The following P2RY14 variants were observed in gnomAD, a reference collection of about 807,000 sequenced individuals.
P2RY14 encodes the protein purinergic receptor P2Y14, also known as P2Y purinoceptor 14.
P2RY14 carries 2 observed loss-of-function variants against 0.9 expected under a neutral mutation model. The observed-to-expected ratio is 2.16, with a 90% CI of 0.88 to 6.79. The LOEUF (loss-of-function observed/expected upper bound fraction) is 6.79. P2RY14 is among the 30% of genes most tolerant of loss of function. P2RY14 has a pLI of 0.05. For synonymous variants in P2RY14, 158 were observed against 147.2 expected (o/e 1.07, Z -0.53); for missense variants, 378 against 400.1 (o/e 0.94, Z 0.47).
chr3:151,254,514 A>G (rs73023014), intron 1 of P2RY14, among the ~76,000 whole-genome samples: 3,940 of 151,940 alleles, frequency 0.026, 157 homozygotes, highest in African/African-American at 0.091. Context: ...ATATGTAAAC[A>G]TGCTATATAA....
At chr3:151,225,863 C>T (rs912652860) in intron 1 of P2RY14, among the ~76,000 whole-genome samples, 2 of 152,184 alleles carry the variant, frequency 1.3e-5, no homozygotes, top group Admixed American at 6.5e-5. Context: ...TATTCTATTT[C>T]CTGACCTCTT....
intron 1 of P2RY14, among the ~76,000 whole-genome samples, chr3:151,223,805 G>A (rs563920325): frequency 6.6e-5 from 10 of 152,114 alleles, no homozygotes; most frequent in African/African-American, 2.2e-4. Flanking sequence ...ATATACCCAA[G>A]TAACAAACTT....
chr3:151,269,860 G>A (rs1740546079), intron 1 of P2RY14: 1 of 457,692 alleles, frequency 2.2e-6, no homozygotes, highest in African/African-American at 2.0e-5. Context: ...GCAGGAAGAG[G>A]CAGCACGAAG....
chr3:151,230,274 G>A (rs1206760409), intron 1 of P2RY14, among the ~76,000 whole-genome samples: 2 of 152,134 alleles, frequency 1.3e-5, no homozygotes, highest in African/African-American at 2.4e-5. Flanking sequence ...GCACCCGGCC[G>A]GGATCTGTTC....
chr3:151,231,898 T>G (rs1731744010), intron 1 of P2RY14, among the ~76,000 whole-genome samples: 1 of 152,234 alleles, frequency 6.6e-6, no homozygotes, highest in Non-Finnish European at 1.5e-5. Context: ...AGTACTTCAG[T>G]ACAAGAAAAC....
intron 2 of P2RY14, among the ~76,000 whole-genome samples, chr3:151,216,733 G>T (rs1417965261): frequency 1.3e-5 from 2 of 152,070 alleles, no homozygotes; most frequent in African/African-American, 4.8e-5. Flanking sequence ...CTTCTTTGTA[G>T]GTCTTCTATC....
intron 1 of P2RY14, among the ~76,000 whole-genome samples, chr3:151,268,202 T>C (rs1390484934): frequency 6.6e-6 from 1 of 152,106 alleles, no homozygotes; most frequent in East Asian, 1.9e-4. Flanking sequence ...TGCCAGTGTT[T>C]TAGGGTATAG....
At chr3:151,249,454 A>T (rs1292941159) in intron 1 of P2RY14, among the ~76,000 whole-genome samples, 2 of 152,122 alleles carry the variant, frequency 1.3e-5, no homozygotes, top group African/African-American at 2.4e-5. Context: ...AAAGCTGTTT[A>T]AGTAGGTGTT....
intron 1 of P2RY14, among the ~76,000 whole-genome samples, chr3:151,245,670 A>T (rs1249808122): frequency 1.5e-5 from 2 of 131,962 alleles, no homozygotes; most frequent in East Asian, 4.3e-4. Flanking sequence ...ATCATACTGA[A>T]TGGGCAAAAA....
intron 1 of P2RY14, among the ~76,000 whole-genome samples, chr3:151,236,530 G>A (rs949218008): frequency 2.0e-5 from 3 of 152,160 alleles, no homozygotes; most frequent in African/African-American, 7.2e-5. Context: ...ACAGTAAGCA[G>A]CTGCTCTTGT....
chr3:151,260,826 C>T (rs1738725835), intron 1 of P2RY14, among the ~76,000 whole-genome samples: 1 of 152,062 alleles, frequency 6.6e-6, no homozygotes, highest in East Asian at 1.9e-4. Context: ...AATACTGTTC[C>T]TGCCTTAGTT....
chr3:151,217,884 A>G (rs910031413), intron 2 of P2RY14, among the ~76,000 whole-genome samples: 47 of 152,330 alleles, frequency 3.1e-4, no homozygotes, highest in African/African-American at 1.1e-3. Flanking sequence ...AGATCAGAGC[A>G]GTAATAGACT....
At chr3:151,224,973 C>T (rs1266066444) in intron 1 of P2RY14, among the ~76,000 whole-genome samples, 3 of 152,166 alleles carry the variant, frequency 2.0e-5, no homozygotes, top group South Asian at 2.1e-4. Flanking sequence ...AAATAACTTA[C>T]AGCGTTTTAC....
At chr3:151,242,326 C>T (rs1734331460) in intron 1 of P2RY14, among the ~76,000 whole-genome samples, 4 of 152,234 alleles carry the variant, frequency 2.6e-5, no homozygotes, top group African/African-American at 9.6e-5. Flanking sequence ...GGGCAGGGCA[C>T]AGACAAACAA....
chr3:151,251,882 T>C (rs1736922933), intron 1 of P2RY14, among the ~76,000 whole-genome samples: 1 of 152,212 alleles, frequency 6.6e-6, no homozygotes, highest in Admixed American at 6.5e-5. Context: ...TTATATCTGA[T>C]ATTTATGTAC....
At chr3:151,222,446 G>A (rs930883687) in intron 1 of P2RY14, among the ~76,000 whole-genome samples, 6 of 152,160 alleles carry the variant, frequency 3.9e-5, no homozygotes, top group African/African-American at 1.4e-4. Flanking sequence ...ATGTGTTGTG[G>A]GAGGGACCTG....
At chr3:151,241,846 T>A (rs1394526560) in intron 1 of P2RY14, 8 of 154,194 alleles carry the variant, frequency 5.2e-5, no homozygotes, top group African/African-American at 1.5e-4. Context: ...CAGAAGACGG[T>A]GATTTCTGCA....
intron 2 of P2RY14, among the ~76,000 whole-genome samples, chr3:151,217,319 C>T (rs1156740466): frequency 6.6e-6 from 1 of 152,118 alleles, no homozygotes; most frequent in Non-Finnish European, 1.5e-5. Context: ...TTTTGAGCTG[C>T]AGTATTTCTG....
At chr3:151,246,857 TC>T (rs1275204036) in intron 1 of P2RY14, among the ~76,000 whole-genome samples, 7 of 152,138 alleles carry the variant, frequency 4.6e-5, no homozygotes, top group Non-Finnish European at 8.8e-5. Context: ...GAGAAACTTT[TC>T]GCAACCTACT....
Sources: allele counts gnomAD v4.1 joint callset (sites outside exome capture counted in the v4.1 genomes callset), GRCh38; gene constraint gnomAD v4.1.1; transcripts MANE v1.5; gene names NCBI Gene and HGNC (gene_info 2026-07-23, HGNC 2026-07-21).